Variants in SLC10A7 observed in about 807,000 individuals in gnomAD.
SLC10A7 encodes the protein solute carrier family 10 member 7, also known as sodium/bile acid cotransporter 7.
In SLC10A7, 29 loss-of-function variants were observed where a neutral mutation model predicts 43.2. The observed-to-expected ratio is 0.67, with a 90% CI of 0.50 to 0.92. SLC10A7 has a LOEUF of 0.92. Ranked by LOEUF, SLC10A7 falls within the 40% of genes least tolerant of loss-of-function variation. The pLI is 0.00. For missense variants in SLC10A7, 295 were observed against 403.2 expected (o/e 0.73, Z 2.30); for synonymous variants, 152 against 144.8 (o/e 1.05, Z -0.35).
At chr4:146,345,726 AG>A (rs1734575277) in intron 5 of SLC10A7, among the ~76,000 whole-genome samples, 1 of 152,126 alleles carries the variant, frequency 6.6e-6, no homozygotes, top group African/African-American at 2.4e-5. Flanking sequence ...AAGCTTTATG[AG>A]GAAAGGGACC....
intron 5 of SLC10A7, among the ~76,000 whole-genome samples, chr4:146,331,132 G>A (rs1733502738): frequency 6.6e-6 from 1 of 151,964 alleles, no homozygotes; most frequent in Admixed American, 6.6e-5. Context: ...TTCCTCTTAG[G>A]GCAGGGTTCT....
In SLC10A7 at chr4:146,519,087, AT is replaced by A. The variant is rs1303210480; in HGVS notation, c.101-1968del. On this transcript the variant is annotated intron_variant, in intron 1 of 11. Coordinates refer to ENST00000335472, the MANE Select transcript of SLC10A7 (RefSeq NM_001029998.6). Reference sequence around the variant, plus strand: ...TCACCATATATATATATATATATATATATATATATATATATATATATATATA... The same window carrying A: ...TCACCATATATATATATATATATATAATATATATATATATATATATATATA... Among the ~76,000 whole-genome samples the A allele has an allele frequency of 2.5e-3, 284 of 114,920 alleles. 11 individuals carry two copies. Among genetic ancestry groups the A allele is most frequent in the Non-Finnish European group, 3.9e-3 (219 of 56,690 alleles). 75.4% of individuals were successfully genotyped at this position (114,920 alleles called of 152,430 possible). A position where few individuals can be genotyped will look rare whatever the true frequency, so the allele number is the denominator to read the frequency against.
chr4:146,449,681 ACCACC>A (rs1731413474), intron 4 of SLC10A7, among the ~76,000 whole-genome samples: 1 of 151,968 alleles, frequency 6.6e-6, no homozygotes, highest in Non-Finnish European at 1.5e-5. Flanking sequence ...CACCACCACC[ACCACC>A]ACAACAACAA....
intron 5 of SLC10A7, among the ~76,000 whole-genome samples, chr4:146,330,536 A>ATAACGTCCTCACGTCCT (rs1471655949): frequency 6.6e-6 from 1 of 152,186 alleles, no homozygotes; most frequent in Non-Finnish European, 1.5e-5. Flanking sequence ...TCACGTCCTT[A>ATAACGTCCTCACGTCCT]TATAACGCTG....
intron 5 of SLC10A7, among the ~76,000 whole-genome samples, chr4:146,384,007 T>C (rs1284047918): frequency 6.6e-6 from 1 of 152,138 alleles, no homozygotes; most frequent in Non-Finnish European, 1.5e-5. Context: ...TCAAACACTC[T>C]GGGTCTCAGT....
At chr4:146,288,658 A>G (rs1730197521) in intron 9 of SLC10A7, among the ~76,000 whole-genome samples, 1 of 152,230 alleles carries the variant, frequency 6.6e-6, no homozygotes, top group Non-Finnish European at 1.5e-5. Flanking sequence ...AGAAAAATCA[A>G]GTGTCCTGTA....
chr4:146,404,476 ATGTGTGTGTGTGTGTG>A (rs34519773), intron 5 of SLC10A7, among the ~76,000 whole-genome samples: 7 of 141,564 alleles, frequency 4.9e-5, no homozygotes, highest in Non-Finnish European at 9.3e-5. Context: ...CTGCTCATTT[ATGTGTGTGTGTGTGTG>A]TGTGTGTGTG....
intron 4 of SLC10A7, among the ~76,000 whole-genome samples, chr4:146,487,891 CA>C (rs1337601517): frequency 6.7e-5 from 10 of 149,914 alleles, no homozygotes; most frequent in Non-Finnish European, 1.0e-4. Context: ...CCTTTCTCTA[CA>C]AAATTAAAAA....
At chr4:146,408,706 G>A (rs1283229001) in intron 5 of SLC10A7, 1 of 151,972 alleles carries the variant, frequency 6.6e-6, no homozygotes, top group Non-Finnish European at 1.5e-5. Flanking sequence ...GGACACTAAT[G>A]GAGGGAATAT....
intron 5 of SLC10A7, among the ~76,000 whole-genome samples, chr4:146,422,768 T>C (rs895074675): frequency 6.6e-6 from 1 of 152,126 alleles, no homozygotes; most frequent in Non-Finnish European, 1.5e-5. Flanking sequence ...GAATCAATAA[T>C]AGTAAGGTCC....
intron 9 of SLC10A7, among the ~76,000 whole-genome samples, chr4:146,285,355 A>G (rs73855125): frequency 0.012 from 1,797 of 152,318 alleles, 50 homozygotes; most frequent in East Asian, 0.085. Flanking sequence ...GGAAAGAGAC[A>G]TGGAGATAGG....
At chr4:146,452,534 T>C (rs1372099216) in intron 4 of SLC10A7, among the ~76,000 whole-genome samples, 1 of 152,132 alleles carries the variant, frequency 6.6e-6, no homozygotes, top group Non-Finnish European at 1.5e-5. Context: ...GAAATATTTA[T>C]TGCTTCTTTC....
intron 5 of SLC10A7, among the ~76,000 whole-genome samples, chr4:146,332,468 GTTA>G (rs1733603686): frequency 6.6e-6 from 1 of 152,184 alleles, no homozygotes; most frequent in Non-Finnish European, 1.5e-5. Flanking sequence ...TCCCTTTGGT[GTTA>G]TTTTCATGAT....
At chr4:146,258,652 A>G (rs1202004874) in intron 11 of SLC10A7, 40 bp downstream of exon 11, 1 of 1,552,648 alleles carries the variant, frequency 6.4e-7, no homozygotes, top group South Asian at 1.2e-5. Context: ...CAGCATTTTA[A>G]TCTAACTTGG....
intron 6 of SLC10A7, among the ~76,000 whole-genome samples, chr4:146,324,109 C>A (rs968409826): frequency 1.3e-5 from 2 of 152,136 alleles, no homozygotes; most frequent in Non-Finnish European, 2.9e-5. Flanking sequence ...AGGAATCCAA[C>A]TTACAAGGGA....
chr4:146,449,284 G>C (rs1023277821), intron 4 of SLC10A7, among the ~76,000 whole-genome samples: 46 of 152,132 alleles, frequency 3.0e-4, no homozygotes, highest in African/African-American at 1.1e-3. Context: ...CAATGGTAGG[G>C]CAAGGAGAGA....
At chr4:146,517,293 T>C in intron 1 of SLC10A7, among the ~76,000 whole-genome samples, 173 bp from the exon 2 acceptor site, 1 of 151,942 alleles carries the variant, frequency 6.6e-6, no homozygotes, top group East Asian at 1.9e-4. Context: ...CAAAACCCAG[T>C]CTTTACTAAA....
chr4:146,345,230 T>G (rs540975941), intron 5 of SLC10A7, among the ~76,000 whole-genome samples: 36 of 152,126 alleles, frequency 2.4e-4, no homozygotes, highest in African/African-American at 7.0e-4. Flanking sequence ...GAGTCAAGAG[T>G]GCAATGGCAA....
At chr4:146,278,757 A>G (rs978940162) in intron 10 of SLC10A7, among the ~76,000 whole-genome samples, 1 of 152,172 alleles carries the variant, frequency 6.6e-6, no homozygotes, top group Non-Finnish European at 1.5e-5. Flanking sequence ...CATTTTGTCC[A>G]TCTTCTCATT....
Sources: allele counts gnomAD v4.1 joint callset (sites outside exome capture counted in the v4.1 genomes callset), GRCh38; gene constraint gnomAD v4.1.1; transcripts MANE v1.5; gene names NCBI Gene and HGNC (gene_info 2026-07-23, HGNC 2026-07-21).